The following SHISA9 variants were observed in gnomAD, a reference collection of about 807,000 sequenced individuals.
The protein encoded by SHISA9 is shisa family member 9, also known as protein shisa-9.
In SHISA9, 13 loss-of-function variants were observed where a neutral mutation model predicts 38.0. The ratio of observed to expected loss-of-function variants is 0.34; its 90% CI spans 0.22 to 0.54. The LOEUF is 0.54. SHISA9 is among the 20% of genes least tolerant of loss of function. The pLI is 0.91. For missense variants in SHISA9, 538 were observed against 575.8 expected, an observed-to-expected ratio of 0.93 and a Z score of 0.67; for synonymous variants, 275 against 242.0, an observed-to-expected ratio of 1.14 and a Z score of -1.27.
At chr16:13,463,740 G>GCT in the SHISA9 span, among the ~76,000 whole-genome samples, 1 of 152,200 alleles carries the variant, frequency 6.6e-6, no homozygotes, top group South Asian at 2.1e-4. Flanking sequence ...TGGCTGCTCA[G>GCT]GAAATATCGA....
chr16:13,359,774 C>G, the SHISA9 span, among the ~76,000 whole-genome samples: 1 of 152,204 alleles, frequency 6.6e-6, no homozygotes, highest in African/African-American at 2.4e-5. Flanking sequence ...TTGTGTGAAG[C>G]AGGTTCACTG....
rs1305439892 is a variant in SHISA9, at chr16:13,178,045, T to C, written c.692-25349T>C. On this transcript the variant is annotated intron_variant, in intron 2 of 4. Coordinates refer to ENST00000558583, the MANE Select transcript of SHISA9 (RefSeq NM_001145204.3). ...ACATAGAGATATTTCAAAAATATTA[T>C]TGAGTGAACAAATGAACGAGTGAAT... 5.3e-5 allele frequency among the ~76,000 whole-genome samples: 8 copies of C among 152,212 alleles called. No homozygotes were observed. The East Asian group carries it at 1.2e-3, about 22-fold the overall frequency.
intron 2 of SHISA9, among the ~76,000 whole-genome samples, chr16:13,192,652 G>C (rs905993633): frequency 7.2e-5 from 11 of 152,098 alleles, no homozygotes; most frequent in Non-Finnish European, 8.8e-5. Context: ...GAGGCGGGTG[G>C]ATCACGAGGT....
At chr16:13,339,213 G>C in the SHISA9 span, among the ~76,000 whole-genome samples, 1 of 148,650 alleles carries the variant, frequency 6.7e-6, no homozygotes, top group East Asian at 2.0e-4. Flanking sequence ...GTCTGTATGG[G>C]TGTCACCAAG....
At chr16:13,173,035 G>A (rs1471692835) in intron 2 of SHISA9, among the ~76,000 whole-genome samples, 3 of 151,910 alleles carry the variant, frequency 2.0e-5, no homozygotes, top group Admixed American at 6.6e-5. Flanking sequence ...TAATGACCCC[G>A]ATAATGTCCC....
At chr16:12,949,854 T>G (rs1362079937) in intron 2 of SHISA9, among the ~76,000 whole-genome samples, 1 of 152,212 alleles carries the variant, frequency 6.6e-6, no homozygotes, top group Non-Finnish European at 1.5e-5. Flanking sequence ...CATTTATTAT[T>G]TCTTTGTGTT....
chr16:13,499,427 A>T, the SHISA9 span, among the ~76,000 whole-genome samples: 1 of 152,172 alleles, frequency 6.6e-6, no homozygotes, highest in African/African-American at 2.4e-5. Flanking sequence ...ATTAAATGAG[A>T]GAAAGCATGT....
At chr16:13,206,864 T>C (rs1278305467) in intron 3 of SHISA9, among the ~76,000 whole-genome samples, 1 of 152,156 alleles carries the variant, frequency 6.6e-6, no homozygotes, top group Non-Finnish European at 1.5e-5. Flanking sequence ...ATATACTCAG[T>C]GTTACTAGGA....
At chr16:13,117,948 G>T (rs930725068) in intron 2 of SHISA9, among the ~76,000 whole-genome samples, 4 of 152,124 alleles carry the variant, frequency 2.6e-5, no homozygotes, top group African/African-American at 9.7e-5. Context: ...TTGGGAGGCT[G>T]AGGTGGGCGG....
At chr16:13,072,552 G>A (rs1186611355) in intron 2 of SHISA9, among the ~76,000 whole-genome samples, 1 of 152,172 alleles carries the variant, frequency 6.6e-6, no homozygotes, top group African/African-American at 2.4e-5. Flanking sequence ...GTGATTTTTA[G>A]TTCTAGCAGC....
At chr16:13,463,564 C>G in the SHISA9 span, among the ~76,000 whole-genome samples, 1 of 152,184 alleles carries the variant, frequency 6.6e-6, no homozygotes, top group African/African-American at 2.4e-5. Context: ...CTTGGTGCTT[C>G]TGGTAGCCAA....
At chr16:13,315,417 T>A in the SHISA9 span, among the ~76,000 whole-genome samples, 3 of 152,186 alleles carry the variant, frequency 2.0e-5, no homozygotes, top group African/African-American at 7.2e-5. Flanking sequence ...TTAGTATGTT[T>A]ATAAAGCTTA....
chr16:13,143,587 C>T (rs2050421611), intron 2 of SHISA9, among the ~76,000 whole-genome samples: 1 of 152,186 alleles, frequency 6.6e-6, no homozygotes, highest in Non-Finnish European at 1.5e-5. Flanking sequence ...TTGATGTGAT[C>T]ATGCTGCAGG....
intron 2 of SHISA9, among the ~76,000 whole-genome samples, chr16:12,982,258 T>A (rs1411805007): frequency 6.6e-6 from 1 of 152,200 alleles, no homozygotes; most frequent in East Asian, 1.9e-4. Context: ...GCCATTTACA[T>A]TTAAATTGAT....
the SHISA9 span, among the ~76,000 whole-genome samples, chr16:13,342,630 A>C: frequency 3.3e-5 from 5 of 152,176 alleles, no homozygotes; most frequent in Non-Finnish European, 7.3e-5. Flanking sequence ...TCTTTAAGGC[A>C]ACAAACTCTA....
At chr16:13,440,767 T>C in the SHISA9 span, among the ~76,000 whole-genome samples, 3 of 151,798 alleles carry the variant, frequency 2.0e-5, no homozygotes, top group Admixed American at 2.0e-4. Context: ...GCTAAAAATA[T>C]AAAAATTAGC....
At chr16:13,174,880 C>A (rs1008024325) in intron 2 of SHISA9, among the ~76,000 whole-genome samples, 5 of 152,042 alleles carry the variant, frequency 3.3e-5, no homozygotes, top group Non-Finnish European at 7.4e-5. Context: ...GGAAAGGGTC[C>A]CTTATATTCC....
At chr16:13,019,946 T>TCTTTC (rs2072826602) in intron 2 of SHISA9, among the ~76,000 whole-genome samples, 2 of 98,710 alleles carry the variant, frequency 2.0e-5, no homozygotes, top group South Asian at 7.2e-4. Context: ...TTTCTTTCTT[T>TCTTTC]CTTTCTTTCT....
chr16:13,407,096 AAG>A, the SHISA9 span, among the ~76,000 whole-genome samples: 1,920 of 146,786 alleles, frequency 0.013, 101 homozygotes, highest in African/African-American at 0.048. Flanking sequence ...AAAAAAAAAA[AAG>A]ACCATGACTT....
Sources: allele counts gnomAD v4.1 joint callset (sites outside exome capture counted in the v4.1 genomes callset), GRCh38; gene constraint gnomAD v4.1.1; transcripts MANE v1.5; gene names NCBI Gene and HGNC (gene_info 2026-07-23, HGNC 2026-07-21).